Variants in GKAP1 observed in about 807,000 individuals in gnomAD.
GKAP1 encodes the protein G kinase anchoring protein 1.
GKAP1 carries 31 observed loss-of-function variants against 56.7 expected under a neutral mutation model. The observed-to-expected ratio is 0.55, with a 90% CI of 0.41 to 0.74. The LOEUF (loss-of-function observed/expected upper bound fraction) is 0.74. GKAP1 is among the 30% of genes least tolerant of loss of function. The probability of loss-of-function intolerance (pLI) is 0.00; values close to 1 mark genes in which losing one functional copy is unlikely to be tolerated. For missense variants in GKAP1, 364 were observed against 402.3 expected (o/e 0.90, Z 0.82); for synonymous variants, 151 against 138.6 (o/e 1.09, Z -0.63).
chr9:83,790,252 A>G (rs1427928347), intron 4 of GKAP1, among the ~76,000 whole-genome samples: 1 of 152,200 alleles, frequency 6.6e-6, no homozygotes, highest in Non-Finnish European at 1.5e-5. Context: ...CCCAGTGTAA[A>G]TTATACATAC....
chr9:83,792,275 T>C (rs2131303361), intron 4 of GKAP1, among the ~76,000 whole-genome samples: 1 of 152,288 alleles, frequency 6.6e-6, no homozygotes, highest in Non-Finnish European at 1.5e-5. Flanking sequence ...TGTTGGAGAA[T>C]AGTAGAAAAT....
chr9:83,784,846 G>A lies in GKAP1; in HGVS notation c.439-8C>T, dbSNP rs199706077. 45 of 1,536,592 alleles carry A rather than the reference G, an allele frequency of 2.9e-5. No homozygotes were observed. In the South Asian group the frequency reaches 5.2e-4, roughly 18 times the overall value. On this transcript the variant is annotated splice_polypyrimidine_tract_variant and splice_region_variant and intron_variant, in intron 5 of 12. Transcript: ENST00000376371. ...TTCAGCATCTTCATACTCCTAAAAA[G>A]AATTACCAACAACAATTAAGTTCAG...
chr9:83,795,156 CAAA>C (rs1031439217), intron 4 of GKAP1, among the ~76,000 whole-genome samples: 2 of 64,490 alleles, frequency 3.1e-5, no homozygotes, highest in Non-Finnish European at 5.9e-5. Context: ...GACTCCATCT[CAAA>C]AAAAAAAAAA....
intron 3 of GKAP1, among the ~76,000 whole-genome samples, chr9:83,804,132 G>GC (rs367638051): frequency 6.8e-6 from 1 of 148,118 alleles, no homozygotes; most frequent in Non-Finnish European, 1.5e-5. Context: ...AGGGGGGTCA[G>GC]CCCCCCGCAC....
At chr9:83,740,382 C>T in intron 12 of GKAP1, among the ~76,000 whole-genome samples, 1 of 152,122 alleles carries the variant, frequency 6.6e-6, no homozygotes, top group South Asian at 2.1e-4. Flanking sequence ...CATAACATAA[C>T]ATAACATTTT....
intron 2 of GKAP1, among the ~76,000 whole-genome samples, chr9:83,809,578 G>A (rs1237813969): frequency 6.6e-6 from 1 of 152,222 alleles, no homozygotes; most frequent in Non-Finnish European, 1.5e-5. Flanking sequence ...TCAAGAATGG[G>A]GGAGCCCAAA....
At chr9:83,785,085 C>T (rs1177770904) in intron 5 of GKAP1, among the ~76,000 whole-genome samples, 1 of 152,132 alleles carries the variant, frequency 6.6e-6, no homozygotes, top group Non-Finnish European at 1.5e-5. Context: ...CTCATTGCTA[C>T]CTTCTACCTT....
chr9:83,779,482 T>C lies in GKAP1; in HGVS notation c.585+900A>G, dbSNP rs867704331. The stretch of plus-strand genomic sequence containing the variant: ...ACACACACGCACATATACATATACA[T>C]ACATATATACACATATACACATATA... On this transcript the variant is annotated intron_variant, in intron 7 of 12. Coordinates refer to ENST00000376371, the MANE Select transcript of GKAP1 (RefSeq NM_025211.4). 3.7e-3 allele frequency among the ~76,000 whole-genome samples: 373 copies of C among 100,016 alleles called. 10 individuals are homozygous for C. Among genetic ancestry groups the C allele is most frequent in the Middle Eastern group, 0.012 (2 of 166 alleles). The allele number at this position is 100,016 out of a possible 152,430, so 65.6% of individuals were successfully genotyped here. A position where few individuals can be genotyped will look rare whatever the true frequency, so the allele number is the denominator to read the frequency against.
chr9:83,795,133 G>A (rs1439609593), intron 4 of GKAP1, among the ~76,000 whole-genome samples: 1 of 145,498 alleles, frequency 6.9e-6, no homozygotes, highest in African/African-American at 2.6e-5. Flanking sequence ...TCCAGTCTGG[G>A]CGACAAGAGC....
intron 2 of GKAP1, among the ~76,000 whole-genome samples, chr9:83,808,832 C>T (rs958197243): frequency 2.0e-5 from 3 of 152,152 alleles, no homozygotes; most frequent in African/African-American, 4.8e-5. Flanking sequence ...CTTTGGCCAG[C>T]GAAATATAAA....
chr9:83,795,588 CTTT>C (rs58291258), intron 4 of GKAP1, among the ~76,000 whole-genome samples: 13 of 109,050 alleles, frequency 1.2e-4, no homozygotes, highest in East Asian at 2.9e-4. Flanking sequence ...CTGAGAGTGT[CTTT>C]TTTTTTTTTT....
intron 2 of GKAP1, among the ~76,000 whole-genome samples, chr9:83,807,259 T>C (rs988652277): frequency 1.3e-5 from 2 of 152,224 alleles, no homozygotes; most frequent in African/African-American, 2.4e-5. Context: ...CCAAATCCTT[T>C]AGTTATACAG....
intron 2 of GKAP1, among the ~76,000 whole-genome samples, chr9:83,815,270 G>A (rs543802401): frequency 1.3e-5 from 2 of 151,888 alleles, no homozygotes; most frequent in Non-Finnish European, 2.9e-5. Context: ...CTACAAGCAG[G>A]AGAATTTTTT....
chr9:83,741,080 G>A (rs1051777569), intron 12 of GKAP1, among the ~76,000 whole-genome samples: 1 of 151,866 alleles, frequency 6.6e-6, no homozygotes, highest in Non-Finnish European at 1.5e-5. Flanking sequence ...AATATTTTTT[G>A]AAATAGATAC....
chr9:83,786,186 C>T (rs927192475), intron 5 of GKAP1, among the ~76,000 whole-genome samples: 2 of 152,220 alleles, frequency 1.3e-5, no homozygotes, highest in African/African-American at 4.8e-5. Flanking sequence ...CTCCACTACA[C>T]TCAAGGGGCA....
In GKAP1 at chr9:83,806,463, A is replaced by G; in HGVS notation, c.55T>C (p.Leu19=). The change falls in exon 3 of 13, where the codon TTA becomes CTA. Residue 19 remains leucine, a synonymous_variant. Transcript: ENST00000376371. ...GAGCCACTGCCACTATCCACTTGTA[A>G]CAGGGCAAAACGAGAAGCGGTGGTG... is the stretch of plus-strand genomic sequence containing the variant. ...VPTTASRFAL[L]QVDSGSGSDS... is the part of the protein sequence containing the mutation. 1.2e-6 allele frequency: 2 copies of G among 1,614,108 alleles called. No individual in the cohort carries two copies. The highest frequency in any genetic ancestry group is 8.5e-7 in the Non-Finnish European group (1 of 1,179,986).
At chr9:83,783,379 AC>A in intron 6 of GKAP1, among the ~76,000 whole-genome samples, 1 of 152,344 alleles carries the variant, frequency 6.6e-6, no homozygotes, top group East Asian at 1.9e-4. Context: ...GTCATATGTG[AC>A]TGAGCACTTG....
intron 8 of GKAP1, among the ~76,000 whole-genome samples, chr9:83,763,200 A>G (rs949080084): frequency 1.3e-5 from 2 of 152,222 alleles, no homozygotes; most frequent in Non-Finnish European, 2.9e-5. Context: ...CAAACATCAC[A>G]TGTTCTCACT....
intron 7 of GKAP1, among the ~76,000 whole-genome samples, chr9:83,774,695 A>AC (rs1943822912): frequency 1.2e-5 from 1 of 81,488 alleles, no homozygotes; most frequent in African/African-American, 3.7e-5. Context: ...CAATAAACAG[A>AC]AACCCCCTTT....
Sources: gnomAD v4.1 joint callset for allele counts (sites outside exome capture counted in the v4.1 genomes callset) on GRCh38, gnomAD v4.1.1 for gene constraint, MANE v1.5 for transcripts, NCBI Gene and HGNC (gene_info 2026-07-23, HGNC 2026-07-21) for gene names.